The following NUP93 variants were observed in gnomAD, a reference collection of about 807,000 sequenced individuals.
The protein encoded by NUP93 is nuclear pore complex protein Nup93.
In NUP93, 55 loss-of-function variants were observed where a neutral mutation model predicts 107.8. That is an observed-to-expected ratio of 0.51 (90% CI 0.41 to 0.64). The LOEUF is 0.64. Among genes scored for constraint, NUP93 ranks in the 30% least tolerant of loss-of-function variants. NUP93 has a pLI of 0.00. For synonymous variants in NUP93, 390 were observed against 397.5 expected, an observed-to-expected ratio of 0.98 and a Z score of 0.22; for missense variants, 937 against 1,044.7, an observed-to-expected ratio of 0.90 and a Z score of 1.42.
chr16:56,802,569 C>A (rs544121466), intron 4 of NUP93, among the ~76,000 whole-genome samples: 1 of 61,448 alleles, frequency 1.6e-5, no homozygotes, highest in Admixed American at 2.1e-4. Flanking sequence ...ACGCACCAAC[C>A]TTCTTCCTAA....
rs150061657 is a variant in NUP93 at position 56,824,098 on chromosome 16, C to G, written c.794+252C>G. 8.5e-5 allele frequency among the ~76,000 whole-genome samples: 13 copies of G among 152,268 alleles called. No individual in the cohort carries two copies. In the East Asian group the frequency reaches 2.3e-3, roughly 27 times the overall value. The stretch of plus-strand genomic sequence containing the variant: ...GGTAAATGAGCACTGTTCGAATTCC[C>G]TTTTTCTTTCTCCACACTCTCTTAA... On this transcript the variant is annotated intron_variant, in intron 8 of 21. Coordinates refer to ENST00000308159, the MANE Select transcript of NUP93 (RefSeq NM_014669.5).
intron 2 of NUP93, among the ~76,000 whole-genome samples, chr16:56,754,182 C>T (rs1194448677): frequency 4.0e-5 from 6 of 151,780 alleles, no homozygotes; most frequent in Admixed American, 1.3e-4. Context: ...TGGGAACTCA[C>T]GGTCATGAGA....
chr16:56,825,697 A>C (rs1364519656), intron 8 of NUP93, among the ~76,000 whole-genome samples: 1 of 152,022 alleles, frequency 6.6e-6, no homozygotes, highest in Non-Finnish European at 1.5e-5. Flanking sequence ...AGTTTTAAAA[A>C]TTATCTTGTT....
At chr16:56,825,542 G>GT (rs1194996131) in intron 8 of NUP93, among the ~76,000 whole-genome samples, 2 of 151,752 alleles carry the variant, frequency 1.3e-5, no homozygotes, top group Admixed American at 1.3e-4. Flanking sequence ...TTCAATGAGT[G>GT]TAAGTGTATG....
intron 5 of NUP93, among the ~76,000 whole-genome samples, chr16:56,808,072 T>A (rs1308464718): frequency 1.4e-5 from 2 of 140,644 alleles, no homozygotes; most frequent in Admixed American, 7.5e-5. Flanking sequence ...TAAATATATA[T>A]AAATATAAAA....
At chr16:56,747,625 A>G (rs1384612152) in intron 1 of NUP93, among the ~76,000 whole-genome samples, 1 of 151,582 alleles carries the variant, frequency 6.6e-6, no homozygotes, top group African/African-American at 2.4e-5. Context: ...TAGGGGAGAG[A>G]GGGAGAGTTA....
intron 5 of NUP93, among the ~76,000 whole-genome samples, chr16:56,808,732 T>C (rs1963241881): frequency 3.4e-5 from 1 of 29,222 alleles, no homozygotes; most frequent in South Asian, 1.9e-3. Context: ...TATAAATACA[T>C]ATATAAAATA....
At chr16:56,806,353 T>C (rs1455005602) in intron 5 of NUP93, among the ~76,000 whole-genome samples, 1 of 151,924 alleles carries the variant, frequency 6.6e-6, no homozygotes, top group African/African-American at 2.4e-5. Context: ...CTTTTAACAC[T>C]CTGGTACAAA....
chr16:56,758,517 C>G, intron 2 of NUP93, 21 bp from the exon 3 acceptor site: 1 of 1,564,838 alleles, frequency 6.4e-7, no homozygotes, highest in Non-Finnish European at 8.8e-7. Context: ...TTATATCTCC[C>G]TATTCTATAT....
At chr16:56,775,827 C>T (rs1380635157) in intron 3 of NUP93, among the ~76,000 whole-genome samples, 2 of 152,188 alleles carry the variant, frequency 1.3e-5, no homozygotes, top group East Asian at 1.9e-4. Context: ...AAGGCCACCC[C>T]TCCCTTGCCA....
Position 56,844,496 on chromosome 16 carries a change from C to G in NUP93, c.2350-3C>G. ...TCCTTCCCTTCCTTCCCTTCTCTCT[C>G]AGCAACTCCGAAGTCAAGCCCGCAC... is the stretch of plus-strand genomic sequence containing the variant. On this transcript the variant is annotated splice_region_variant and splice_polypyrimidine_tract_variant and intron_variant, in intron 21 of 21. Transcript: ENST00000308159. The G allele has an allele frequency of 4.1e-6, 6 of 1,446,910 alleles. No individual in the cohort carries two copies. The highest frequency in any genetic ancestry group is 5.5e-6 in the Non-Finnish European group (6 of 1,088,574). The allele number at this position is 1,446,910 out of a possible 1,614,324, so 89.6% of individuals were successfully genotyped here.
intron 1 of NUP93, among the ~76,000 whole-genome samples, chr16:56,742,139 A>G (rs1355084364): frequency 2.0e-5 from 3 of 152,242 alleles, no homozygotes; most frequent in African/African-American, 7.2e-5. Flanking sequence ...CATTAGGTCA[A>G]TGGGACAGGC....
chr16:56,826,233 C>T (rs1188090470), intron 8 of NUP93, among the ~76,000 whole-genome samples: 9 of 152,308 alleles, frequency 5.9e-5, no homozygotes, highest in East Asian at 1.9e-4. Context: ...ACTTCCAGGC[C>T]GGGCGCAGTG....
chr16:56,784,677 A>G lies in NUP93; in HGVS notation c.298-13799A>G, dbSNP rs1281548246. On this transcript the variant is annotated intron_variant, in intron 3 of 21. Coordinates refer to ENST00000308159, the MANE Select transcript of NUP93 (RefSeq NM_014669.5). ...ACCCTGAAGAATTTATAGTGCATGT[A>G]TTTTATAGTAAACTTTACCATGAAG... is the stretch of plus-strand genomic sequence containing the variant. Among the ~76,000 whole-genome samples the G allele has an allele frequency of 5.3e-5, 8 of 152,304 alleles. No homozygotes were observed. The East Asian group carries it at 9.6e-4, about 18-fold the overall frequency.
At chr16:56,747,201 C>T (rs540898246) in intron 1 of NUP93, among the ~76,000 whole-genome samples, 108 of 152,132 alleles carry the variant, frequency 7.1e-4, no homozygotes, top group African/African-American at 2.5e-3. Context: ...GGTTTCACCA[C>T]GTTGGCCAGG....
intron 3 of NUP93, among the ~76,000 whole-genome samples, chr16:56,773,869 A>G (rs931904839): frequency 6.6e-6 from 1 of 152,238 alleles, no homozygotes; most frequent in African/African-American, 2.4e-5. Context: ...CAGTGTATTT[A>G]TCTTTTAAGT....
chr16:56,809,187 G>A (rs376940429), intron 5 of NUP93, among the ~76,000 whole-genome samples: 65 of 152,240 alleles, frequency 4.3e-4, no homozygotes, highest in African/African-American at 1.5e-3. Context: ...TGTGCCAGAG[G>A]GAGCCAGGGC....
At chr16:56,778,031 T>C (rs534172360) in intron 3 of NUP93, among the ~76,000 whole-genome samples, 8 of 152,282 alleles carry the variant, frequency 5.3e-5, no homozygotes, top group Admixed American at 5.2e-4. Context: ...CCTCTGGAAG[T>C]TTGTCTTCTA....
intron 3 of NUP93, among the ~76,000 whole-genome samples, chr16:56,789,530 G>A (rs2144536083): frequency 6.6e-6 from 1 of 152,318 alleles, no homozygotes; most frequent in Admixed American, 6.5e-5. Context: ...GCCACCTGTG[G>A]CTCCAGAGCT....
Sources: allele counts gnomAD v4.1 joint callset (sites outside exome capture counted in the v4.1 genomes callset), GRCh38; gene constraint gnomAD v4.1.1; transcripts MANE v1.5; gene names NCBI Gene and HGNC (gene_info 2026-07-23, HGNC 2026-07-21).